The following E2F3 variants were observed in gnomAD, a reference collection of about 807,000 sequenced individuals.
E2F3 encodes transcription factor E2F3.
A neutral mutation model predicts 44.4 loss-of-function variants in E2F3; 11 were observed. The ratio of observed to expected loss-of-function variants is 0.25; its 90% confidence interval spans 0.16 to 0.41. The LOEUF (loss-of-function observed/expected upper bound fraction) is 0.41, where lower values mean the gene tolerates loss of function less well. Among genes scored for constraint, E2F3 ranks in the 10% least tolerant of loss-of-function variants. E2F3 has a pLI of 1.00. For missense variants in E2F3, 487 were observed against 583.6 expected (o/e 0.83, Z 1.70); for synonymous variants, 249 against 253.0 (o/e 0.98, Z 0.15).
At chr6:20,445,743 TGATATACATAAGACTTAA>T (rs1024792420) in intron 1 of E2F3, among the ~76,000 whole-genome samples, 9 of 152,322 alleles carry the variant, frequency 5.9e-5, no homozygotes, top group African/African-American at 2.2e-4. Flanking sequence ...ATAGGCTAAT[TGATATACATAAGACTTAA>T]GTTCCTTCCA....
intron 1 of E2F3, among the ~76,000 whole-genome samples, chr6:20,477,039 C>T (rs1429858203): frequency 6.6e-6 from 1 of 152,158 alleles, no homozygotes; most frequent in Non-Finnish European, 1.5e-5. Flanking sequence ...CTACATCTGA[C>T]CCATTAACAA....
At chr6:20,428,273 G>T (rs546493149) in intron 1 of E2F3, among the ~76,000 whole-genome samples, 3 of 152,026 alleles carry the variant, frequency 2.0e-5, no homozygotes, top group South Asian at 4.2e-4. Flanking sequence ...ACCTAGGCTG[G>T]AGTGCAATGG....
intron 4 of E2F3, among the ~76,000 whole-genome samples, chr6:20,486,458 G>A (rs1475544249): frequency 6.6e-6 from 1 of 152,124 alleles, no homozygotes; most frequent in Non-Finnish European, 1.5e-5. Flanking sequence ...ATTTTTAGTA[G>A]AGACGGGGTT....
At chr6:20,481,120 G>C (rs1160846961) in intron 2 of E2F3, 86 bp from the exon 3 acceptor site, 3 of 1,271,270 alleles carry the variant, frequency 2.4e-6, no homozygotes, top group Non-Finnish European at 2.2e-6. Flanking sequence ...CAGTGGGAAA[G>C]AGAGCTTGCT....
intron 4 of E2F3, among the ~76,000 whole-genome samples, chr6:20,485,495 A>G (rs1369928046): frequency 1.3e-5 from 2 of 152,148 alleles, no homozygotes; most frequent in African/African-American, 4.8e-5. Context: ...CACGAGAATC[A>G]TTTAACCCCA....
In E2F3 at chr6:20,426,093, A is replaced by C. The variant is rs1334007017; in HGVS notation, c.393+23468A>C. On this transcript the variant is annotated intron_variant, in intron 1 of 6. Transcript: ENST00000346618. Reference sequence around the variant, plus strand: ...GACAATGAGTCCATTTGAAATTGCAAATTTAAATATCTAATACAATAGTTG... The same window carrying C: ...GACAATGAGTCCATTTGAAATTGCACATTTAAATATCTAATACAATAGTTG... 4.6e-5 allele frequency among the ~76,000 whole-genome samples: 7 copies of C among 152,318 alleles called. No homozygotes were observed. In the East Asian group the frequency reaches 1.3e-3, roughly 29 times the overall value.
intron 1 of E2F3, among the ~76,000 whole-genome samples, chr6:20,408,246 G>C (rs1347298436): frequency 6.6e-6 from 1 of 152,162 alleles, no homozygotes; most frequent in Non-Finnish European, 1.5e-5. Flanking sequence ...AAGTGACGAG[G>C]AAAATGTATC....
chr6:20,416,764 T>C (rs188185608), intron 1 of E2F3, among the ~76,000 whole-genome samples: 15 of 152,290 alleles, frequency 9.8e-5, no homozygotes, highest in Non-Finnish European at 1.5e-5. Context: ...TGCAATGTTA[T>C]ATGGTAACAT....
intron 1 of E2F3, among the ~76,000 whole-genome samples, chr6:20,464,613 T>C (rs1221313178): frequency 1.3e-5 from 2 of 152,236 alleles, no homozygotes; most frequent in African/African-American, 4.8e-5. Context: ...CCCTGTGGCC[T>C]TGGGCAACCT....
intron 1 of E2F3, among the ~76,000 whole-genome samples, chr6:20,443,582 A>G (rs1760842594): frequency 6.6e-6 from 1 of 152,054 alleles, no homozygotes; most frequent in African/African-American, 2.4e-5. Flanking sequence ...CTCTTCAAAA[A>G]AATTTAACAG....
intron 1 of E2F3, among the ~76,000 whole-genome samples, chr6:20,469,349 C>T (rs1761815262): frequency 6.6e-6 from 1 of 152,112 alleles, no homozygotes; most frequent in African/African-American, 2.4e-5. Context: ...CCAGAAATAG[C>T]TGTGTGAGCA....
intron 4 of E2F3, among the ~76,000 whole-genome samples, chr6:20,483,932 A>G (rs968997610): frequency 6.6e-6 from 1 of 152,234 alleles, no homozygotes; most frequent in Non-Finnish European, 1.5e-5. Context: ...CAAACCTGCA[A>G]TTGTTCATTT....
intron 1 of E2F3, among the ~76,000 whole-genome samples, chr6:20,466,123 G>C (rs1193870382): frequency 4.0e-5 from 6 of 150,800 alleles, no homozygotes; most frequent in African/African-American, 7.3e-5. Context: ...GGTGCGGGGC[G>C]GGGGGTGTGG....
At chr6:20,432,289 G>T (rs909554032) in intron 1 of E2F3, among the ~76,000 whole-genome samples, 1 of 152,150 alleles carries the variant, frequency 6.6e-6, no homozygotes, top group Non-Finnish European at 1.5e-5. Context: ...GGGGAGGGGG[G>T]TCTGTGAACA....
intron 1 of E2F3, among the ~76,000 whole-genome samples, chr6:20,408,745 A>G (rs550569597): frequency 2.6e-5 from 4 of 152,214 alleles, no homozygotes; most frequent in Non-Finnish European, 5.9e-5. Context: ...GAGAATTGGC[A>G]GCTGATGGAA....
rs185459433 is a variant in E2F3, at chr6:20,433,935, T to C, written c.393+31310T>C. 2.0e-3 allele frequency among the ~76,000 whole-genome samples: 303 copies of C among 152,328 alleles called. 2 individuals are homozygous for C. Among genetic ancestry groups the C allele is most frequent in the African/African-American group, 6.9e-3 (285 of 41,568 alleles). ...CCTATCAAATGTGGTCCCCACCCCCTGCTCTGGGTTTACTGCTTCCCTGTG... is the reference window on the plus strand; with the variant it reads ...CCTATCAAATGTGGTCCCCACCCCCCGCTCTGGGTTTACTGCTTCCCTGTG... On this transcript the variant is annotated intron_variant, in intron 1 of 6. Coordinates refer to ENST00000346618, the MANE Select transcript of E2F3 (RefSeq NM_001949.5).
At chr6:20,410,824 G>A (rs1361500066) in intron 1 of E2F3, among the ~76,000 whole-genome samples, 2 of 152,196 alleles carry the variant, frequency 1.3e-5, no homozygotes, top group East Asian at 1.9e-4. Flanking sequence ...GTTTCACCAT[G>A]TTGGTCAGGC....
intron 1 of E2F3, among the ~76,000 whole-genome samples, chr6:20,471,094 C>T (rs1761873926): frequency 6.6e-6 from 1 of 152,192 alleles, no homozygotes; most frequent in African/African-American, 2.4e-5. Context: ...TGCTTTTCAA[C>T]TATTTGGTGT....
At chr6:20,436,560 G>C (rs1199286922) in intron 1 of E2F3, among the ~76,000 whole-genome samples, 1 of 152,040 alleles carries the variant, frequency 6.6e-6, no homozygotes, top group African/African-American at 2.4e-5. Context: ...AGCTGTCTTG[G>C]GCCACATGCG....
Sources: gnomAD v4.1 joint callset for allele counts (sites outside exome capture counted in the v4.1 genomes callset) on GRCh38, gnomAD v4.1.1 for gene constraint, MANE v1.5 for transcripts, NCBI Gene and HGNC (gene_info 2026-07-23, HGNC 2026-07-21) for gene names.